Variants in CRISPLD2 observed in about 807,000 individuals in gnomAD.
CRISPLD2 encodes the protein cysteine-rich secretory protein LCCL domain-containing 2.
A neutral mutation model predicts 71.1 loss-of-function variants in CRISPLD2; 47 were observed. The ratio of observed to expected loss-of-function variants is 0.66; its 90% confidence interval spans 0.52 to 0.84. CRISPLD2 has a LOEUF of 0.84. CRISPLD2 is among the 40% of genes least tolerant of loss of function. The pLI is 0.00. For synonymous variants in CRISPLD2, 317 were observed against 250.1 expected (o/e 1.27, Z -2.52); for missense variants, 830 against 651.1 (o/e 1.27, Z -2.99).
chr16:84,848,461 A>T (rs1435160262), intron 3 of CRISPLD2, among the ~76,000 whole-genome samples: 2 of 34,400 alleles, frequency 5.8e-5, no homozygotes, highest in South Asian at 1.8e-3. Flanking sequence ...CCTAGTTATT[A>T]AAAAAAAAAA....
At chr16:84,847,917 T>C (rs1196365090) in intron 3 of CRISPLD2, among the ~76,000 whole-genome samples, 4 of 152,266 alleles carry the variant, frequency 2.6e-5, no homozygotes, top group Non-Finnish European at 5.9e-5. Context: ...ATGATCCCTC[T>C]GTGGACAGAC....
At chr16:84,846,036 G>C in intron 3 of CRISPLD2, 132 bp downstream of exon 3, 1 of 596,108 alleles carries the variant, frequency 1.7e-6, no homozygotes, top group Non-Finnish European at 3.0e-6. Context: ...CGATATTCTG[G>C]GAAACTGAGG....
At chr16:84,853,885 C>G (rs1917158775) in intron 5 of CRISPLD2, among the ~76,000 whole-genome samples, 1 of 152,236 alleles carries the variant, frequency 6.6e-6, no homozygotes, top group Admixed American at 6.5e-5. Context: ...AGGGCACATG[C>G]TGGCAGCCTG....
At chr16:84,903,399 CTGGCCAATA>C (rs2071772768) in intron 14 of CRISPLD2, among the ~76,000 whole-genome samples, 2 of 152,090 alleles carry the variant, frequency 1.3e-5, no homozygotes, top group African/African-American at 4.8e-5. Flanking sequence ...AGAGACCAGC[CTGGCCAATA>C]TGGTGACACC....
At chr16:84,900,158 T>C (rs1011643652) in intron 14 of CRISPLD2, among the ~76,000 whole-genome samples, 3 of 152,150 alleles carry the variant, frequency 2.0e-5, no homozygotes, top group African/African-American at 7.2e-5. Flanking sequence ...TGGCGTTTCT[T>C]TGCAGCTCCA....
intron 3 of CRISPLD2, 183 bp downstream of exon 3, chr16:84,846,087 A>T (rs990884526): frequency 2.8e-5 from 14 of 496,348 alleles, no homozygotes; most frequent in Non-Finnish European, 4.3e-5. Flanking sequence ...GACAAAATGT[A>T]TTCAAGCTTG....
chr16:84,872,160 C>T (rs1393010193), intron 8 of CRISPLD2, among the ~76,000 whole-genome samples: 1 of 152,104 alleles, frequency 6.6e-6, no homozygotes, highest in Middle Eastern at 3.2e-3. Flanking sequence ...TACGCAAATA[C>T]TAGGACACTT....
intron 6 of CRISPLD2, among the ~76,000 whole-genome samples, chr16:84,856,172 A>G (rs560243337): frequency 3.9e-5 from 6 of 152,246 alleles, no homozygotes; most frequent in Admixed American, 3.9e-4. Flanking sequence ...AAGGGTCTGG[A>G]CCATTTGTAG....
At chr16:84,865,906 A>G (rs1917522332) in intron 6 of CRISPLD2, among the ~76,000 whole-genome samples, 1 of 152,234 alleles carries the variant, frequency 6.6e-6, no homozygotes, top group Admixed American at 6.5e-5. Context: ...TGGAGAAATA[A>G]TAATATACCA....
chr16:84,892,003 TG>T (rs2071667160), intron 14 of CRISPLD2, among the ~76,000 whole-genome samples: 1 of 152,248 alleles, frequency 6.6e-6, no homozygotes, highest in African/African-American at 2.4e-5. Flanking sequence ...GTTAAGACTT[TG>T]CTTTTCTTGC....
intron 14 of CRISPLD2, among the ~76,000 whole-genome samples, chr16:84,896,572 T>A (rs2071708339): frequency 1.3e-5 from 2 of 152,110 alleles, no homozygotes; most frequent in African/African-American, 4.8e-5. Flanking sequence ...AATAGGCCTG[T>A]GTTAGGTGAT....
chr16:84,871,433 G>A (rs1457446048), intron 8 of CRISPLD2, among the ~76,000 whole-genome samples: 2 of 152,112 alleles, frequency 1.3e-5, no homozygotes, highest in Non-Finnish European at 2.9e-5. Flanking sequence ...CAGCTACTTG[G>A]GAGACTGAGG....
intron 8 of CRISPLD2, 45 bp downstream of exon 8, chr16:84,868,956 G>A (rs370247748): frequency 2.0e-6 from 3 of 1,474,656 alleles, no homozygotes; most frequent in South Asian, 2.5e-5. Context: ...CTCTGAGTCT[G>A]TGCTGGGCTG....
At chr16:84,875,627 G>T (rs1445495111) in intron 11 of CRISPLD2, among the ~76,000 whole-genome samples, 1 of 151,396 alleles carries the variant, frequency 6.6e-6, no homozygotes, top group Non-Finnish European at 1.5e-5. Context: ...CGCAATTTCA[G>T]CTCACTGCAA....
intron 1 of CRISPLD2, among the ~76,000 whole-genome samples, chr16:84,824,057 A>T (rs1319183609): frequency 6.6e-6 from 1 of 152,014 alleles, no homozygotes; most frequent in African/African-American, 2.4e-5. Flanking sequence ...GACTGACTTG[A>T]GAAGAGCCTG....
At chr16:84,861,730 C>T (rs1287675221) in intron 6 of CRISPLD2, among the ~76,000 whole-genome samples, 1 of 152,154 alleles carries the variant, frequency 6.6e-6, no homozygotes, top group African/African-American at 2.4e-5. Flanking sequence ...TCTAGATCAG[C>T]CTGGACAACA....
intron 13 of CRISPLD2, among the ~76,000 whole-genome samples, chr16:84,886,816 C>T (rs533125351): frequency 1.3e-5 from 2 of 152,064 alleles, no homozygotes; most frequent in South Asian, 2.1e-4. Context: ...TCCTGTCCCC[C>T]GACAAAAAAA....
chr16:84,895,530 C>G (rs949480305), intron 14 of CRISPLD2, among the ~76,000 whole-genome samples: 1 of 152,118 alleles, frequency 6.6e-6, no homozygotes, highest in Non-Finnish European at 1.5e-5. Flanking sequence ...TGTTTTTCCC[C>G]CGTGCACATA....
chr16:84,894,125 C>T (rs947018338), intron 14 of CRISPLD2, among the ~76,000 whole-genome samples: 33 of 152,248 alleles, frequency 2.2e-4, no homozygotes, highest in African/African-American at 5.1e-4. Context: ...ACTTCCTGGA[C>T]GTTTTGAAAG....
Sources: gnomAD v4.1 joint callset for allele counts (sites outside exome capture counted in the v4.1 genomes callset) on GRCh38, gnomAD v4.1.1 for gene constraint, MANE v1.5 for transcripts, NCBI Gene and HGNC (gene_info 2026-07-23, HGNC 2026-07-21) for gene names.